Variants in WWOX observed in about 807,000 individuals in gnomAD.
The protein encoded by WWOX is WW domain-containing oxidoreductase.
WWOX carries 69 observed loss-of-function variants against 46.2 expected under a neutral mutation model. The ratio of observed to expected loss-of-function variants is 1.49; its 90% CI spans 1.23 to 1.82. WWOX has a LOEUF of 1.82. Among genes scored for constraint, WWOX ranks in the 40% most tolerant of loss-of-function variants. WWOX has a pLI of 0.00. For missense variants in WWOX, 919 were observed against 542.6 expected, an observed-to-expected ratio of 1.69 and a Z score of -6.89; for synonymous variants, 359 against 202.6, an observed-to-expected ratio of 1.77 and a Z score of -6.56.
At chr16:78,903,215 G>C (rs929793849) in intron 8 of WWOX, among the ~76,000 whole-genome samples, 1 of 152,162 alleles carries the variant, frequency 6.6e-6, no homozygotes, top group Non-Finnish European at 1.5e-5. Flanking sequence ...CCTTATAAAT[G>C]AAGTGGTGGC....
At chr16:78,725,537 G>T (rs550142273) in intron 8 of WWOX, among the ~76,000 whole-genome samples, 1 of 151,180 alleles carries the variant, frequency 6.6e-6, no homozygotes, top group African/African-American at 2.4e-5. Context: ...AGTAGAAATG[G>T]GGTTTCACCA....
chr16:78,873,304 G>C (rs966679183), intron 8 of WWOX: 9 of 152,126 alleles, frequency 5.9e-5, no homozygotes, highest in Non-Finnish European at 8.8e-5. Flanking sequence ...CTCCTAATTG[G>C]AATTAAGAAG....
chr16:79,126,911 G>C (rs2049769700), intron 8 of WWOX, among the ~76,000 whole-genome samples: 2 of 152,178 alleles, frequency 1.3e-5, no homozygotes, highest in African/African-American at 4.8e-5. Flanking sequence ...GTAAGACAGA[G>C]AAAAGGAGAG....
intron 8 of WWOX, among the ~76,000 whole-genome samples, chr16:78,936,335 A>G (rs558739598): frequency 1.3e-5 from 2 of 152,196 alleles, no homozygotes; most frequent in East Asian, 1.9e-4. Context: ...TTTTCCCTGG[A>G]CTTATCTGGA....
chr16:78,334,745 T>G (rs1301137857), intron 5 of WWOX, among the ~76,000 whole-genome samples: 1 of 150,426 alleles, frequency 6.6e-6, no homozygotes, highest in Admixed American at 6.7e-5. Context: ...GGGAGAAATT[T>G]CCAAAGAATT....
chr16:78,244,492 A>T (rs1189668263), intron 5 of WWOX, among the ~76,000 whole-genome samples: 1 of 152,194 alleles, frequency 6.6e-6, no homozygotes, highest in African/African-American at 2.4e-5. Context: ...CTTAATGAAG[A>T]CCATGGTCTT....
At chr16:79,113,681 T>A (rs1383613161) in intron 8 of WWOX, among the ~76,000 whole-genome samples, 1 of 152,170 alleles carries the variant, frequency 6.6e-6, no homozygotes, top group African/African-American at 2.4e-5. Flanking sequence ...CAGGGTGACC[T>A]GGAAGATCTT....
chr16:78,679,612 CTT>C (rs1217619703), intron 8 of WWOX, among the ~76,000 whole-genome samples: 1 of 152,126 alleles, frequency 6.6e-6, no homozygotes, highest in Non-Finnish European at 1.5e-5. Flanking sequence ...CTCCCCACCT[CTT>C]TTAATTCTTG....
chr16:78,363,070 C>T (rs1330606087), intron 5 of WWOX, among the ~76,000 whole-genome samples: 1 of 152,110 alleles, frequency 6.6e-6, no homozygotes, highest in Non-Finnish European at 1.5e-5. Context: ...CCGTATTCCA[C>T]CATAAAATCT....
chr16:78,927,078 G>T (rs1041846771), intron 8 of WWOX, among the ~76,000 whole-genome samples: 1 of 152,200 alleles, frequency 6.6e-6, no homozygotes, highest in Non-Finnish European at 1.5e-5. Context: ...TTATAGGCAT[G>T]AGCCACCATG....
chr16:78,978,547 G>T (rs2151330913), intron 8 of WWOX, among the ~76,000 whole-genome samples: 1 of 152,272 alleles, frequency 6.6e-6, no homozygotes, highest in Middle Eastern at 3.4e-3. Context: ...CTGGGTAATG[G>T]CTGAAGAAAA....
intron 5 of WWOX, among the ~76,000 whole-genome samples, chr16:78,356,070 C>CCAAAAAAA (rs1567520572): frequency 1.0e-4 from 1 of 9,590 alleles, no homozygotes; most frequent in Non-Finnish European, 3.1e-4. Context: ...TTTTTTTTTC[C>CCAAAAAAA]TAAAAAAAAA....
rs531171020 is a variant in WWOX at position 79,088,987 on chromosome 16, A to T, written c.1057-122621A>T. 4.6e-5 allele frequency among the ~76,000 whole-genome samples: 7 copies of T among 152,188 alleles called. No individual in the cohort carries two copies. In the South Asian group the frequency reaches 8.3e-4, roughly 18 times the overall value. On this transcript the variant is annotated intron_variant, in intron 8 of 8. Coordinates refer to ENST00000566780, the MANE Select transcript of WWOX (RefSeq NM_016373.4). ...AATGAGGGAGTATAGGATGAACTCA[A>T]TGTACCTTGAACATAGCTGTTGTCA...
intron 8 of WWOX, among the ~76,000 whole-genome samples, chr16:78,656,272 G>A (rs1239889347): frequency 2.0e-5 from 3 of 152,038 alleles, no homozygotes; most frequent in East Asian, 3.9e-4. Context: ...ATCTGATGAG[G>A]CCTTTTTTGG....
intron 8 of WWOX, among the ~76,000 whole-genome samples, chr16:79,138,921 G>A (rs1159604319): frequency 2.0e-5 from 3 of 152,124 alleles, no homozygotes; most frequent in Non-Finnish European, 2.9e-5. Flanking sequence ...AGGAGAATTC[G>A]ACCAGGGTAA....
intron 8 of WWOX, among the ~76,000 whole-genome samples, chr16:79,194,761 C>A (rs190642219): frequency 6.6e-6 from 1 of 152,138 alleles, no homozygotes; most frequent in Non-Finnish European, 1.5e-5. Context: ...GTTTCTTGAT[C>A]ACTGAGTTAA....
chr16:78,495,732 C>G (rs1056616127), intron 8 of WWOX, among the ~76,000 whole-genome samples: 3 of 151,896 alleles, frequency 2.0e-5, no homozygotes, highest in Non-Finnish European at 2.9e-5. Context: ...TGGTCTCGAA[C>G]TCCTGACCTC....
At chr16:78,828,649 A>T (rs2051728059) in intron 8 of WWOX, among the ~76,000 whole-genome samples, 1 of 152,204 alleles carries the variant, frequency 6.6e-6, no homozygotes, top group Non-Finnish European at 1.5e-5. Flanking sequence ...ATTATTTACA[A>T]AACTTCACAC....
chr16:79,121,729 C>T (rs920666592), intron 8 of WWOX, among the ~76,000 whole-genome samples: 1 of 152,156 alleles, frequency 6.6e-6, no homozygotes, highest in Non-Finnish European at 1.5e-5. Context: ...CCCACAATTG[C>T]TGGGAGTCTG....
Sources: gnomAD v4.1 joint callset for allele counts (sites outside exome capture counted in the v4.1 genomes callset) on GRCh38, gnomAD v4.1.1 for gene constraint, MANE v1.5 for transcripts, NCBI Gene and HGNC (gene_info 2026-07-23, HGNC 2026-07-21) for gene names.